FAM187A: variants seen among roughly 807,000 people sequenced by gnomAD.
FAM187A encodes the protein Ig-like V-type domain-containing protein FAM187A.
Under a neutral mutation model 6.4 loss-of-function variants are expected in FAM187A, and 4 were observed. That is an observed-to-expected ratio of 0.63 (90% CI 0.31 to 1.44). FAM187A has a LOEUF of 1.44. Among genes scored for constraint, FAM187A ranks in the 40% most tolerant of loss-of-function variants. The pLI is 0.07. For missense variants in FAM187A, 463 were observed against 542.2 expected, an observed-to-expected ratio of 0.85 and a Z score of 1.45; for synonymous variants, 221 against 213.4, an observed-to-expected ratio of 1.04 and a Z score of -0.31.
At chr17:44,904,396 C>T (rs2051617043) in exon 4 of FAM187A, 1 of 1,542,330 alleles carries the variant, frequency 6.5e-7, no homozygotes, top group African/African-American at 1.4e-5. Context: ...AGCAGTGGCG[C>T]ATCGGCCTCT....
At chr17:44,904,142 A>G in exon 4 of FAM187A, 1 of 1,550,430 alleles carries the variant, frequency 6.4e-7, no homozygotes, top group Non-Finnish European at 8.7e-7. Context: ...CCGCTTCAGC[A>G]TCCGCATGTT....
At chr17:44,903,447 G>A (rs985259493) in exon 4 of FAM187A, 1 of 1,252,510 alleles carries the variant, frequency 8.0e-7, no homozygotes, top group African/African-American at 1.5e-5. Context: ...TTTCCACCAG[G>A]CTGGCAGGGC....
chr17:44,903,617 C>G lies in FAM187A; in HGVS notation c.-213C>G. 2 of 1,402,910 alleles carry G rather than the reference C, an allele frequency of 1.4e-6. No homozygotes were observed. The highest frequency in any genetic ancestry group is 1.8e-6 in the Non-Finnish European group (2 of 1,085,096). The allele number at this position is 1,402,910 out of a possible 1,614,324, so 86.9% of individuals were successfully genotyped here. On this transcript the variant is annotated 5_prime_UTR_variant, in exon 4 of 4. The change creates a new upstream start codon in the 5' untranslated region. Coordinates refer to ENST00000331733, the Ensembl canonical transcript of FAM187A. ...TGGCTTTCCCCCCCCACCCTGAGATCAGGTCTGGAATGTTAGAAGGGCATC... is the reference window on the plus strand; with the variant it reads ...TGGCTTTCCCCCCCCACCCTGAGATGAGGTCTGGAATGTTAGAAGGGCATC...
chr17:44,904,474 C>G lies in FAM187A; in HGVS notation c.645C>G (p.Gly215=), dbSNP rs774008775. The change falls in exon 4 of 4, where the codon GGC becomes GGG. Residue 215 remains glycine, a synonymous_variant. Coordinates refer to ENST00000331733, the Ensembl canonical transcript of FAM187A. ...CCGTGCCCGATGTGGTGTCTTGTGG[C>G]TCAAGGGCTGTGCCAAGGAAGCTGC... 9 of 1,546,998 alleles carry G rather than the reference C, an allele frequency of 5.8e-6. No individual in the cohort carries two copies. In the South Asian group the frequency reaches 1.1e-4, roughly 18 times the overall value.
exon 4 of FAM187A, chr17:44,905,066 C>T (rs1007807913): frequency 6.5e-6 from 10 of 1,536,710 alleles, no homozygotes; most frequent in Non-Finnish European, 8.8e-6. Context: ...CAGCTTCTCC[C>T]CCTAGGAGCT....
chr17:44,905,256 G>C, exon 4 of FAM187A: 1 of 600,562 alleles, frequency 1.7e-6, no homozygotes, highest in Non-Finnish European at 3.0e-6. Context: ...GGGGCCTGAG[G>C]CTGGTGGGAG....
exon 4 of FAM187A, chr17:44,904,519 C>T: frequency 6.5e-7 from 1 of 1,550,244 alleles, no homozygotes; most frequent in African/African-American, 1.4e-5. Context: ...CCAGGGACCA[C>T]ACGCCTGAGG....
At chr17:44,905,357 T>C (rs1303207904) in exon 4 of FAM187A, 3 of 443,498 alleles carry the variant, frequency 6.8e-6, no homozygotes, top group Non-Finnish European at 1.3e-5. Flanking sequence ...CTCAGATTTA[T>C]CCAGTGGTAA....
exon 4 of FAM187A, chr17:44,903,831 T>G (rs1193166949): frequency 6.5e-7 from 1 of 1,549,284 alleles, no homozygotes; most frequent in Non-Finnish European, 8.7e-7. Flanking sequence ...CCTTCAGGTA[T>G]GCACCTGGCC....
chr17:44,904,740 G>T, exon 4 of FAM187A: 2 of 1,550,534 alleles, frequency 1.3e-6, no homozygotes, highest in South Asian at 1.2e-5. Flanking sequence ...GACAAAGACC[G>T]CCAGCACCTC....
exon 4 of FAM187A, chr17:44,904,914 A>T: frequency 6.5e-7 from 1 of 1,527,036 alleles, no homozygotes; most frequent in Non-Finnish European, 8.9e-7. Flanking sequence ...GTGACATCTC[A>T]TGGGCACTAC....
chr17:44,905,174 CAT>C (rs2051636167), exon 4 of FAM187A: 1 of 876,104 alleles, frequency 1.1e-6, no homozygotes, highest in Non-Finnish European at 1.8e-6. Context: ...GTGGTAGGAA[CAT>C]GTGGACAAAT....
chr17:44,904,576 C>G (rs1375287990), exon 4 of FAM187A: 1 of 1,550,580 alleles, frequency 6.4e-7, no homozygotes, highest in East Asian at 2.4e-5. Flanking sequence ...CAAAGACCAT[C>G]CGGGAGGGCG....
Position 44,904,787 on chromosome 17 carries a change from A to T in FAM187A, c.958A>T (p.Met320Leu), listed in dbSNP as rs1193926362. The stretch of plus-strand genomic sequence containing the variant: ...GTACCTGAAGGGTGTCAACAGGTCC[A>T]TGAGGGTGTTCATTGACCACGGCAA... Residue 320 changes from methionine (M) to leucine (L), a missense_variant, in exon 4 of 4, where the codon ATG (methionine) becomes TTG (leucine). Transcript: ENST00000331733. 4 of 1,550,638 alleles carry T rather than the reference A, an allele frequency of 2.6e-6. No individual in the cohort carries two copies. In the South Asian group the frequency reaches 3.6e-5, roughly 14 times the overall value.
At chr17:44,904,003 AGAG>A in exon 4 of FAM187A, 1 of 1,550,630 alleles carries the variant, frequency 6.4e-7, no homozygotes, top group Non-Finnish European at 8.7e-7. Flanking sequence ...GCAAACCCGA[AGAG>A]GTGCCAGCTG....
chr17:44,903,719 A>G (rs1158628062), exon 4 of FAM187A: 7 of 1,445,398 alleles, frequency 4.8e-6, no homozygotes, highest in Non-Finnish European at 6.3e-6. Flanking sequence ...TCCTGGCTGC[A>G]TAATCCTTTC....
exon 4 of FAM187A, chr17:44,903,541 T>G (rs536666860): frequency 5.2e-6 from 7 of 1,351,442 alleles, no homozygotes; most frequent in Non-Finnish European, 6.6e-6. Flanking sequence ...TGACCCATTC[T>G]TGGGTGAGCG....
At chr17:44,904,877 G>A in exon 4 of FAM187A, 2 of 1,550,666 alleles carry the variant, frequency 1.3e-6, no homozygotes, top group Non-Finnish European at 1.7e-6. Flanking sequence ...GAGGCAGGGT[G>A]TGCTAGTTGC....
chr17:44,904,305 C>T (rs1192820492), exon 4 of FAM187A: 1 of 1,546,858 alleles, frequency 6.5e-7, no homozygotes, highest in African/African-American at 1.4e-5. Context: ...GAGCCCTTTG[C>T]AGATGAATAC....
Sources: gnomAD v4.1 joint callset for allele counts on GRCh38, gnomAD v4.1.1 for gene constraint, MANE v1.5 for transcripts, NCBI Gene and HGNC (gene_info 2026-07-23, HGNC 2026-07-21) for gene names.